MIDEAS: variants seen among roughly 807,000 people sequenced by gnomAD.
The protein encoded by MIDEAS is mitotic deacetylase-associated SANT domain protein.
MIDEAS carries 26 observed loss-of-function variants against 102.7 expected under a neutral mutation model. The observed-to-expected ratio is 0.25, with a 90% confidence interval of 0.19 to 0.35. The LOEUF is 0.35. MIDEAS is among the 10% of genes least tolerant of loss of function. The pLI, the probability that MIDEAS is intolerant of heterozygous loss-of-function variation, is 1.00. For synonymous variants in MIDEAS, 585 were observed against 591.0 expected, an observed-to-expected ratio of 0.99 and a Z score of 0.15; for missense variants, 1,231 against 1,435.6, an observed-to-expected ratio of 0.86 and a Z score of 2.30.
intron 3 of MIDEAS, chr14:73,730,246 C>T: frequency 3.1e-6 from 2 of 635,296 alleles, no homozygotes. Context: ...TTACATATTC[C>T]TCTTCTTTCC....
Position 73,718,655 on chromosome 14 carries a change from C to G in MIDEAS, c.*188G>C. 2.0e-6 allele frequency: 1 copy of G among 506,438 alleles called. No homozygotes were observed. The highest frequency in any genetic ancestry group is 3.1e-6 in the Non-Finnish European group (1 of 319,076). 31.4% of individuals were successfully genotyped at this position (506,438 alleles called of 1,614,324 possible). A position where few individuals can be genotyped will look rare whatever the true frequency, so the allele number is the denominator to read the frequency against. On this transcript the variant is annotated 3_prime_UTR_variant, in exon 13 of 13. Transcript: ENST00000423556. Reference sequence around the variant, plus strand: ...ATGCAAAGAGAGCTGGATCCTGGAGCCCTTAACGCTGCTCCCAGGGCCTTC... The same window carrying G: ...ATGCAAAGAGAGCTGGATCCTGGAGGCCTTAACGCTGCTCCCAGGGCCTTC...
chr14:73,765,503 C>A (rs894156882), intron 1 of MIDEAS, among the ~76,000 whole-genome samples: 2 of 152,186 alleles, frequency 1.3e-5, no homozygotes, highest in Non-Finnish European at 2.9e-5. Context: ...TCTGGTTTTG[C>A]ACACTTTACC....
intron 2 of MIDEAS, 97 bp from the exon 3 acceptor site, chr14:73,737,394 T>A (rs1170072499): frequency 1.5e-6 from 2 of 1,341,164 alleles, no homozygotes; most frequent in Non-Finnish European, 2.0e-6. Flanking sequence ...GAGGACAAGA[T>A]TAAAGGATCA....
chr14:73,730,517 T>C (rs1286913941), intron 3 of MIDEAS, among the ~76,000 whole-genome samples: 1 of 152,224 alleles, frequency 6.6e-6, no homozygotes, highest in East Asian at 1.9e-4. Context: ...GGGGTAACCA[T>C]GAGGACTGCA....
At chr14:73,737,607 C>T (rs1417906886) in intron 2 of MIDEAS, among the ~76,000 whole-genome samples, 1 of 152,062 alleles carries the variant, frequency 6.6e-6, no homozygotes, top group African/African-American at 2.4e-5. Flanking sequence ...GCCTGGGTGA[C>T]AGAGTGAGAC....
rs1356730472 is a variant in MIDEAS, at chr14:73,739,451, C to T, written c.558G>A (p.Lys186=). 6.3e-7 allele frequency: 1 copy of T among 1,598,338 alleles called. No homozygotes were observed. The highest frequency in any genetic ancestry group is 1.7e-4 in the Middle Eastern group (1 of 5,978). ...DRYVRPMMPQ[K]VQLEVGRPQA... ...GGGGCCGCCCTACCTCCAGCTGCACCTTCTGTGGCATCATTGGTCGCACAT... is the reference window on the plus strand; with the variant it reads ...GGGGCCGCCCTACCTCCAGCTGCACTTTCTGTGGCATCATTGGTCGCACAT... Residue 186 remains lysine, a synonymous_variant, in exon 2 of 13, where the codon AAG becomes AAA. Coordinates refer to ENST00000423556, the MANE Select transcript of MIDEAS (RefSeq NM_001367710.1).
chr14:73,769,902 G>T (rs202056451), intron 1 of MIDEAS, among the ~76,000 whole-genome samples: 6,020 of 109,802 alleles, frequency 0.055, 353 homozygotes, highest in African/African-American at 0.16. Context: ...GCCCGGCTGG[G>T]TTTTTTTTTT....
In MIDEAS at chr14:73,717,186, AG is replaced by A. The variant is rs746544187; in HGVS notation, c.*1656del. 1.3e-5 allele frequency: 2 copies of A among 152,162 alleles called. No homozygotes were observed. Among genetic ancestry groups the A allele is most frequent in the Non-Finnish European group, 2.9e-5 (2 of 68,050 alleles). 9.4% of individuals were successfully genotyped at this position (152,162 alleles called of 1,614,324 possible). On this transcript the variant is annotated 3_prime_UTR_variant, in exon 13 of 13. Coordinates refer to ENST00000423556, the MANE Select transcript of MIDEAS (RefSeq NM_001367710.1). The stretch of plus-strand genomic sequence containing the variant: ...CATGATGCTTCTTGGCTATCTCATA[AG>A]GAGTAGCAGTATGAATACTTTCTGG...
rs2052896811 is a variant in MIDEAS, at chr14:73,716,708, AATT to A, written c.*2132_*2134del. 8.1e-6 allele frequency: 1 copy of A among 123,154 alleles called. No individual in the cohort carries two copies. Among genetic ancestry groups the A allele is most frequent in the African/African-American group, 2.9e-5 (1 of 33,974 alleles). The allele number at this position is 123,154 out of a possible 1,614,324, so 7.6% of individuals were successfully genotyped here. On this transcript the variant is annotated 3_prime_UTR_variant, in exon 13 of 13. Transcript: ENST00000423556. ...AAAAAAAAAAAAAAAAAAAAAAAAAAATTTTTTTTCCAAGTACAAGATGTTACC... is the reference window on the plus strand; with the variant it reads ...AAAAAAAAAAAAAAAAAAAAAAAAAATTTTTTCCAAGTACAAGATGTTACC...
At chr14:73,762,629 T>C (rs991475586), upstream of MIDEAS, among the ~76,000 whole-genome samples, 5 of 152,168 alleles carry the variant, frequency 3.3e-5, no homozygotes, top group African/African-American at 1.2e-4. Flanking sequence ...GAGGTCAGTT[T>C]TGCTGCAGAT....
intron 1 of MIDEAS, among the ~76,000 whole-genome samples, chr14:73,753,750 C>T (rs1318367142): frequency 1.4e-4 from 22 of 152,120 alleles, no homozygotes; most frequent in Admixed American, 1.4e-3. Context: ...TCTGCAGGCA[C>T]GCAGAGCTTC....
chr14:73,758,238 C>T (rs1232291328), intron 1 of MIDEAS, among the ~76,000 whole-genome samples: 1 of 152,234 alleles, frequency 6.6e-6, no homozygotes, highest in Non-Finnish European at 1.5e-5. Flanking sequence ...AATTCTCAAC[C>T]CGGGAAGGCT....
intron 6 of MIDEAS, 41 bp from the exon 7 acceptor site, chr14:73,726,748 C>T (rs375345919): frequency 2.4e-5 from 39 of 1,612,972 alleles, no homozygotes; most frequent in African/African-American, 1.2e-4. Context: ...GAGGAAACCA[C>T]GTTCAGGGCG....
chr14:73,757,856 T>C (rs967767159), intron 1 of MIDEAS, among the ~76,000 whole-genome samples: 4 of 152,248 alleles, frequency 2.6e-5, no homozygotes, highest in Admixed American at 2.6e-4. Context: ...ACTGGGGCTA[T>C]TTTAAAATCC....
At chr14:73,723,027 A>C in intron 9 of MIDEAS, 180 bp from the exon 10 acceptor site, 1 of 606,206 alleles carries the variant, frequency 1.6e-6, no homozygotes, top group Non-Finnish European at 2.9e-6. Flanking sequence ...CTGATCAATT[A>C]ATCAATGCTT....
Position 73,745,893 on chromosome 14 carries a change from A to G in MIDEAS, c.-247-5638T>C, listed in dbSNP as rs377134132. Among the ~76,000 whole-genome samples, 15 of 152,182 alleles carry G rather than the reference A, an allele frequency of 9.9e-5. No homozygotes were observed. In the East Asian group the frequency reaches 1.2e-3, roughly 12 times the overall value. ...AGGCAAGAGGCCCTATGGTCGGCCCATTCCCAATCCAGACAGTCCCTGGAC... is the reference window on the plus strand; with the variant it reads ...AGGCAAGAGGCCCTATGGTCGGCCCGTTCCCAATCCAGACAGTCCCTGGAC... On this transcript the variant is annotated intron_variant, in intron 1 of 12. Coordinates refer to ENST00000423556, the MANE Select transcript of MIDEAS (RefSeq NM_001367710.1).
At chr14:73,784,804 T>C (rs1309203172) in intron 1 of MIDEAS, among the ~76,000 whole-genome samples, 3 of 152,226 alleles carry the variant, frequency 2.0e-5, no homozygotes, top group Non-Finnish European at 4.4e-5. Flanking sequence ...GTGGCAACTG[T>C]AACCATACAT....
At chr14:73,756,267 A>AGAGT (rs1555344782) in intron 1 of MIDEAS, among the ~76,000 whole-genome samples, 44 of 141,136 alleles carry the variant, frequency 3.1e-4, no homozygotes, top group African/African-American at 1.1e-3. Flanking sequence ...AGCCCATGTC[A>AGAGT]GTGTGTGTGT....
Position 73,726,078 on chromosome 14 carries a change from G to A in MIDEAS, c.2440C>T (p.Pro814Ser). ...AGCGGATGGTTGTGGGGCCGCAGGG[G>A]CTTCTTCAGCAGCAGCTTATTCAGC... ...ETLNKLLLKK[P>S]LRPHNHPLAT... The change falls in exon 8 of 13, where the codon CCC becomes TCC. Residue 814 changes from proline (P) to serine (S), a missense_variant. This residue lies in a region of MIDEAS where 391 missense variants were observed against 483.0 expected (regional missense o/e 0.81). Transcript: ENST00000423556. 1 of 1,598,216 alleles carries A rather than the reference G, an allele frequency of 6.3e-7. No homozygotes were observed. The highest frequency in any genetic ancestry group is 8.5e-7 in the Non-Finnish European group (1 of 1,173,336).
Sources: allele counts gnomAD v4.1 joint callset (sites outside exome capture counted in the v4.1 genomes callset), GRCh38; gene constraint gnomAD v4.1.1; regional missense constraint gnomAD v4.1.1; transcripts MANE v1.5; gene names NCBI Gene and HGNC (gene_info 2026-07-23, HGNC 2026-07-21).